The following SYNE2 variants were observed in gnomAD, a reference collection of about 807,000 sequenced individuals.
SYNE2 encodes the protein nesprin-2.
Under a neutral mutation model 856.3 loss-of-function variants are expected in SYNE2, and 431 were observed. That is an observed-to-expected ratio of 0.50 (90% CI 0.47 to 0.55). The LOEUF is 0.55. Ranked by LOEUF, SYNE2 falls within the 20% of genes least tolerant of loss-of-function variation. The pLI is 0.00. For synonymous variants in SYNE2, 2,923 were observed against 2,872.3 expected (o/e 1.02, Z -0.56); for missense variants, 8,129 against 8,023.2 (o/e 1.01, Z -0.50).
At chr14:63,952,660 A>T (rs1030996818) in intron 7 of SYNE2, among the ~76,000 whole-genome samples, 31 of 152,140 alleles carry the variant, frequency 2.0e-4, no homozygotes, top group African/African-American at 7.5e-4. Flanking sequence ...ATGCATAAGA[A>T]TTTTTTTTAA....
chr14:64,221,004 C>G (rs901506645), intron 111 of SYNE2, among the ~76,000 whole-genome samples: 11 of 152,120 alleles, frequency 7.2e-5, no homozygotes, highest in Admixed American at 2.0e-4. Context: ...TGACTTTGAG[C>G]AAAGCATTGA....
intron 3 of SYNE2, among the ~76,000 whole-genome samples, chr14:63,941,440 A>T (rs921417900): frequency 1.1e-4 from 17 of 152,236 alleles, no homozygotes; most frequent in African/African-American, 4.1e-4. Flanking sequence ...ACTTGTGTGC[A>T]CAGGTTTTAA....
rs200404150 is a variant in SYNE2, at chr14:64,025,225, T to G, written c.6056T>G (p.Met2019Arg). The G allele has an allele frequency of 7.2e-5, 117 of 1,613,978 alleles. No individual in the cohort carries two copies. The highest frequency in any genetic ancestry group is 9.6e-5 in the Non-Finnish European group (113 of 1,180,004). ...ATAATAATGGAAGCAACATGTTTGATGGATAGATACCAGACATTACTGAGA... is the reference window on the plus strand; with the variant it reads ...ATAATAATGGAAGCAACATGTTTGAGGGATAGATACCAGACATTACTGAGA... ...EEIIMEATCL[M>R]DRYQTLLRQL... Residue 2019 changes from methionine to arginine, a missense_variant, in exon 41 of 116, where the codon ATG (methionine) becomes AGG (arginine). By Grantham distance (91) the Met-to-Arg change is moderately conservative. This residue lies in a region of SYNE2 where 2,422 missense variants were observed against 2,357.4 expected (regional missense o/e 1.03). Transcript: ENST00000555002.
intron 86 of SYNE2, 105 bp downstream of exon 86, chr14:64,158,900 C>A: frequency 1.6e-6 from 2 of 1,251,504 alleles, no homozygotes; most frequent in Non-Finnish European, 2.3e-6. Context: ...CACAGAGAAG[C>A]ACAAAGCATG....
At chr14:63,867,397 A>AG (rs527498272) in intron 1 of SYNE2, among the ~76,000 whole-genome samples, 2,023 of 148,040 alleles carry the variant, frequency 0.014, 33 homozygotes, top group South Asian at 0.068. Context: ...AAAAAAAAAA[A>AG]AGAGAGAGAG....
At chr14:63,917,570 A>G (rs2095547369) in intron 2 of SYNE2, among the ~76,000 whole-genome samples, 1 of 152,206 alleles carries the variant, frequency 6.6e-6, no homozygotes, top group African/African-American at 2.4e-5. Context: ...TCCCAGGTTC[A>G]AGTGATTCTC....
chr14:64,003,639 T>C (rs1314208898), intron 30 of SYNE2, among the ~76,000 whole-genome samples: 2 of 152,232 alleles, frequency 1.3e-5, no homozygotes, highest in African/African-American at 4.8e-5. Context: ...TCTGTGTGTT[T>C]ACTGTGGAGT....
At chr14:63,823,782 C>T (rs553201942) in intron 1 of SYNE2, among the ~76,000 whole-genome samples, 113 of 152,140 alleles carry the variant, frequency 7.4e-4, no homozygotes, top group Middle Eastern at 6.8e-3. Context: ...ACTACAGGTG[C>T]TTGTCACCAT....
intron 26 of SYNE2, 88 bp downstream of exon 26, chr14:63,998,416 A>T: frequency 1.1e-6 from 1 of 894,888 alleles, no homozygotes; most frequent in Non-Finnish European, 1.8e-6. Context: ...TTTTATTTTC[A>T]TTTAGTCGTC....
In SYNE2 at chr14:64,141,984, A is replaced by G; in HGVS notation, c.15202A>G (p.Met5068Val). 1 of 1,614,144 alleles carries G rather than the reference A, an allele frequency of 6.2e-7. No individual in the cohort carries two copies. The highest frequency in any genetic ancestry group is 1.1e-5 in the South Asian group (1 of 91,082). Residue 5068 changes from methionine to valine, a missense_variant, in exon 82 of 116, where the codon ATG becomes GTG. Coordinates refer to ENST00000555002, the MANE Select transcript of SYNE2 (RefSeq NM_182914.3). The part of the protein sequence containing the change: ...KLPSRKAITE[M>V]ISWMNNVEHQ... ...GCCGTCTCGTAAAGCAATCACAGAA[A>G]TGATTAGCTGGATGAACAATGTGGA...
At chr14:64,074,867 C>T (rs990790083) in intron 53 of SYNE2, among the ~76,000 whole-genome samples, 1 of 125,706 alleles carries the variant, frequency 8.0e-6, no homozygotes, top group African/African-American at 2.6e-5. Flanking sequence ...TGCAATCCAG[C>T]CTGGCTCCAT....
rs904640257 is a variant in SYNE2 at position 64,219,007 on chromosome 14, G to A, written c.19658-201G>A. Among the ~76,000 whole-genome samples the A allele has an allele frequency of 1.1e-4, 16 of 151,898 alleles. 1 individual carries two copies. Among genetic ancestry groups the A allele is most frequent in the Non-Finnish European group, 2.1e-4 (14 of 67,998 alleles). On this transcript the variant is annotated intron_variant, in intron 109 of 115. Coordinates refer to ENST00000555002, the MANE Select transcript of SYNE2 (RefSeq NM_182914.3). ...CCACTTCATTCCAGCCTCTGTGGGA[G>A]TGTACGCCTCAGATCATGTGCTATT...
intron 1 of SYNE2, among the ~76,000 whole-genome samples, chr14:63,793,408 C>A (rs1172547691): frequency 6.6e-6 from 1 of 152,212 alleles, no homozygotes; most frequent in Non-Finnish European, 1.5e-5. Context: ...TAAGAAGGTG[C>A]ACCTCAAAAG....
intron 1 of SYNE2, among the ~76,000 whole-genome samples, chr14:63,896,296 G>T (rs965109681): frequency 2.6e-5 from 4 of 152,176 alleles, no homozygotes; most frequent in African/African-American, 9.7e-5. Flanking sequence ...TACAATGGTA[G>T]GTTTCTCTTG....
intron 1 of SYNE2, among the ~76,000 whole-genome samples, chr14:63,868,648 A>G (rs1039146892): frequency 6.6e-6 from 1 of 152,180 alleles, no homozygotes; most frequent in Non-Finnish European, 1.5e-5. Flanking sequence ...GTCCATAGCA[A>G]TTATCTCTAG....
rs1378805495 is a variant in SYNE2, at chr14:64,098,027, A to G, written c.12187A>G (p.Thr4063Ala). The G allele has an allele frequency of 6.2e-7, 1 of 1,614,112 alleles. No homozygotes were observed. The highest frequency in any genetic ancestry group is 1.3e-5 in the African/African-American group (1 of 74,940). ...AGACCTGTTGGTGGACTTGAAGGCC[A>G]CCGTACTAAACCTTCACCAGCATTT... ...KEDLLVDLKA[T>A]VLNLHQHLKQ... Residue 4063 changes from threonine (T) to alanine (A), a missense_variant, in exon 62 of 116, where the codon ACC becomes GCC. Physicochemically the swap from Thr to Ala is moderately conservative, Grantham distance 58 (BLOSUM62 0). This residue lies in a region of SYNE2 where 5,410 missense variants were observed against 5,284.8 expected (regional missense o/e 1.02). Transcript: ENST00000555002.
At chr14:64,040,675 T>C (rs923488882) in intron 45 of SYNE2, among the ~76,000 whole-genome samples, 1 of 147,964 alleles carries the variant, frequency 6.8e-6, no homozygotes, top group Non-Finnish European at 1.5e-5. Flanking sequence ...TATATGTGTA[T>C]ATATTTCTGC....
chr14:64,211,179 A>G lies in SYNE2; in HGVS notation c.18724-782A>G, dbSNP rs147164967. On this transcript the variant is annotated intron_variant, in intron 103 of 115. Coordinates refer to ENST00000555002, the MANE Select transcript of SYNE2 (RefSeq NM_182914.3). ...ATTTTTGTGGAAATGGGGTCTCACT[A>G]TGTTGCCCAGGCTGGTCTCAAACTC... 5.3e-5 allele frequency among the ~76,000 whole-genome samples: 8 copies of G among 151,964 alleles called. No homozygotes were observed. In the East Asian group the frequency reaches 1.2e-3, roughly 22 times the overall value.
In SYNE2 at chr14:63,976,715, G is replaced by T. The variant is rs759684516; in HGVS notation, c.1281G>T (p.Met427Ile). 6.2e-7 allele frequency: 1 copy of T among 1,612,804 alleles called. No individual in the cohort carries two copies. Among genetic ancestry groups the T allele is most frequent in the Non-Finnish European group, 8.5e-7 (1 of 1,179,696 alleles). Residue 427 changes from methionine (M) to isoleucine (I), a missense_variant, in exon 12 of 116, where the codon ATG becomes ATT. Around this residue, in one of 3 missense-constraint regions of SYNE2, gnomAD observed 2,422 missense variants for 2,357.4 expected, o/e 1.03. Coordinates refer to ENST00000555002, the MANE Select transcript of SYNE2 (RefSeq NM_182914.3). ...CCGTGACTCTGATACAAGAGAAAAT[G>T]ACTTTATTCAAGGTTGGAAAAGAAA... ...SQAVTLIQEK[M>I]TLFKSLMDRF...
Sources: allele counts gnomAD v4.1 joint callset (sites outside exome capture counted in the v4.1 genomes callset), GRCh38; gene constraint gnomAD v4.1.1; regional missense constraint gnomAD v4.1.1; transcripts MANE v1.5; gene names NCBI Gene and HGNC (gene_info 2026-07-23, HGNC 2026-07-21).